The following TPGS1 variants were observed in gnomAD, a reference collection of about 807,000 sequenced individuals.
TPGS1 encodes the protein tubulin polyglutamylase complex subunit 1, also known as gene trap ROSA b-geo 22.
In TPGS1, 18 loss-of-function variants were observed where a neutral mutation model predicts 11.9. The ratio of observed to expected loss-of-function variants is 1.51; its 90% CI spans 1.04 to 2.24. TPGS1 has a LOEUF of 2.24. TPGS1 is among the 30% of genes most tolerant of loss of function. The pLI is 0.00. For synonymous variants in TPGS1, 247 were observed against 218.2 expected (o/e 1.13, Z -1.16); for missense variants, 500 against 443.0 (o/e 1.13, Z -1.16).
At chr19:517,095 C>T (rs774086330) in intron 1 of TPGS1, among the ~76,000 whole-genome samples, 13 of 151,894 alleles carry the variant, frequency 8.6e-5, no homozygotes, top group Non-Finnish European at 1.0e-4. Flanking sequence ...GACGAACTTC[C>T]GGCCCTGGAG....
intron 1 of TPGS1, among the ~76,000 whole-genome samples, chr19:511,784 G>A (rs547061455): frequency 3.5e-4 from 53 of 152,372 alleles, no homozygotes; most frequent in Middle Eastern, 3.4e-3. Flanking sequence ...GAAGCTGCGA[G>A]CACGACAGGA....
At position 519,091 on chromosome 19, in the gene TPGS1, T is replaced by G; in HGVS notation, c.541T>G (p.Phe181Val). Residue 181 changes from phenylalanine to valine, a missense_variant, in exon 2 of 2, where the codon TTC becomes GTC. Physicochemically the swap from Phe to Val is conservative, Grantham distance 50 (BLOSUM62 -1). Transcript: ENST00000359315. ...CCACGAGGCGGTGCCGCTGAGCGTCTTCCGCGCGGGCACACTCACCTGCTT... is the reference window on the plus strand; with the variant it reads ...CCACGAGGCGGTGCCGCTGAGCGTCGTCCGCGCGGGCACACTCACCTGCTT... ...RDHEAVPLSV[F>V]RAGTLTCFVL... The G allele has an allele frequency of 6.5e-7, 1 of 1,532,412 alleles. No homozygotes were observed. Among genetic ancestry groups the G allele is most frequent in the Non-Finnish European group, 8.7e-7 (1 of 1,145,546 alleles). 94.9% of individuals were successfully genotyped at this position (1,532,412 alleles called of 1,614,324 possible).
rs1486473015 is a variant in TPGS1, at chr19:518,753, G to C, written c.339-136G>C. 6.5e-6 allele frequency: 6 copies of C among 919,294 alleles called. 1 individual carries two copies. The South Asian group carries it at 1.3e-4, about 20-fold the overall frequency. 56.9% of individuals were successfully genotyped at this position (919,294 alleles called of 1,614,324 possible). A position where few individuals can be genotyped will look rare whatever the true frequency, so the allele number is the denominator to read the frequency against. ...GTGAGGAGGAGGGGAGGCCGGGGAT[G>C]GGGGGTAGGAGGAGAGGGGAGGCCA... On this transcript the variant is annotated intron_variant, in intron 1 of 1. Coordinates refer to ENST00000359315, the MANE Select transcript of TPGS1 (RefSeq NM_033513.3).
chr19:512,768 C>A (rs1568322375), intron 1 of TPGS1, among the ~76,000 whole-genome samples: 2 of 152,262 alleles, frequency 1.3e-5, no homozygotes, highest in Admixed American at 6.5e-5. Flanking sequence ...CCTGCACAGC[C>A]GGAACGGGAC....
At chr19:518,505 G>T (rs1319813513) in intron 1 of TPGS1, among the ~76,000 whole-genome samples, 1 of 106,868 alleles carries the variant, frequency 9.4e-6, no homozygotes, top group Non-Finnish European at 2.0e-5. Context: ...TGGAGATGCT[G>T]GGGGAGGAGA....
chr19:519,328 G>T lies in TPGS1; in HGVS notation c.778G>T (p.Val260Phe), dbSNP rs1311861921. ...DSLALALDRA[V>F]GGRRPSAPMT... ...CCTGGCGCTGGCGCTGGACCGCGCCGTCGGGGGGCGGCGGCCCAGCGCGCC... is the reference window on the plus strand; with the variant it reads ...CCTGGCGCTGGCGCTGGACCGCGCCTTCGGGGGGCGGCGGCCCAGCGCGCC... The change falls in exon 2 of 2, where the codon GTC becomes TTC. Residue 260 changes from valine to phenylalanine, a missense_variant. By Grantham distance (50) the Val-to-Phe change is conservative. Coordinates refer to ENST00000359315, the MANE Select transcript of TPGS1 (RefSeq NM_033513.3). The T allele has an allele frequency of 1.4e-5, 17 of 1,193,832 alleles. No homozygotes were observed. Among genetic ancestry groups the T allele is most frequent in the Non-Finnish European group, 3.1e-6 (3 of 963,550 alleles). The allele number at this position is 1,193,832 out of a possible 1,614,324, so 74.0% of individuals were successfully genotyped here. A position where few individuals can be genotyped will look rare whatever the true frequency, so the allele number is the denominator to read the frequency against.
intron 1 of TPGS1, among the ~76,000 whole-genome samples, chr19:511,600 G>T (rs1262882295): frequency 6.6e-6 from 1 of 152,272 alleles, no homozygotes; most frequent in Non-Finnish European, 1.5e-5. Context: ...CAGCTGGGAG[G>T]GGCAGACGAA....
intron 1 of TPGS1, among the ~76,000 whole-genome samples, chr19:518,559 A>G (rs1373175718): frequency 1.3e-4 from 1 of 7,900 alleles, no homozygotes; most frequent in Non-Finnish European, 2.2e-4. Context: ...CTGGGCTGGG[A>G]GGGGACTGGG....
At chr19:510,273 T>A (rs1255964559) in intron 1 of TPGS1, 1 of 151,684 alleles carries the variant, frequency 6.6e-6, no homozygotes, top group East Asian at 1.9e-4. Context: ...CTCGGGAGGC[T>A]GAGGCAGGAG....
intron 1 of TPGS1, among the ~76,000 whole-genome samples, chr19:515,428 A>G (rs1978922304): frequency 6.6e-6 from 1 of 151,686 alleles, no homozygotes; most frequent in Non-Finnish European, 1.5e-5. Context: ...AAAAAATGCA[A>G]TGTCAGCTGT....
Position 519,488 on chromosome 19 carries a change from C to T in TPGS1, c.*65C>T, listed in dbSNP as rs927669569. 1 of 1,160,456 alleles carries T rather than the reference C, an allele frequency of 8.6e-7. No individual in the cohort carries two copies. The highest frequency in any genetic ancestry group is 1.6e-5 in the African/African-American group (1 of 61,600). The allele number at this position is 1,160,456 out of a possible 1,614,324, so 71.9% of individuals were successfully genotyped here. A position where few individuals can be genotyped will look rare whatever the true frequency, so the allele number is the denominator to read the frequency against. ...GTCCCCGCGTGCGGGGCGCGCGGAG[C>T]CTTCCCTTCGCCCTGGTGAGGCCCT... is the stretch of plus-strand genomic sequence containing the variant. On this transcript the variant is annotated 3_prime_UTR_variant, in exon 2 of 2. Transcript: ENST00000359315.
In TPGS1 at chr19:519,098, C is replaced by T. The variant is rs977642178; in HGVS notation, c.548C>T (p.Ala183Val). The T allele has an allele frequency of 2.9e-5, 45 of 1,532,124 alleles. No homozygotes were observed. Among genetic ancestry groups the T allele is most frequent in the Non-Finnish European group, 3.2e-5 (37 of 1,145,526 alleles). The allele number at this position is 1,532,124 out of a possible 1,614,324, so 94.9% of individuals were successfully genotyped here. A position where few individuals can be genotyped will look rare whatever the true frequency, so the allele number is the denominator to read the frequency against. The change falls in exon 2 of 2, where the codon GCG (alanine) becomes GTG (valine). Residue 183 changes from alanine (A) to valine (V), a missense_variant. Coordinates refer to ENST00000359315, the MANE Select transcript of TPGS1 (RefSeq NM_033513.3). ...HEAVPLSVFR[A>V]GTLTCFVLLE... is the part of the protein sequence containing the mutation. ...GCGGTGCCGCTGAGCGTCTTCCGCG[C>T]GGGCACACTCACCTGCTTCGTGCTG...
intron 1 of TPGS1, among the ~76,000 whole-genome samples, chr19:512,781 C>G (rs902309641): frequency 1.3e-5 from 2 of 152,256 alleles, no homozygotes; most frequent in African/African-American, 4.8e-5. Context: ...AACGGGACTG[C>G]AGAAGCAACG....
In TPGS1 at chr19:519,600, C is replaced by T. The variant is rs1979089497; in HGVS notation, c.*177C>T. Reference sequence around the variant, plus strand: ...TCCCCACACAGCGCCGCGGCCGCCCCTCCACCCCCGCGGGAGCCCCTGCCC... The same window carrying T: ...TCCCCACACAGCGCCGCGGCCGCCCTTCCACCCCCGCGGGAGCCCCTGCCC... On this transcript the variant is annotated 3_prime_UTR_variant, in exon 2 of 2. Coordinates refer to ENST00000359315, the MANE Select transcript of TPGS1 (RefSeq NM_033513.3). 5 of 438,010 alleles carry T rather than the reference C, an allele frequency of 1.1e-5. No individual in the cohort carries two copies. The highest frequency in any genetic ancestry group is 1.8e-5 in the Non-Finnish European group (5 of 285,328). The allele number at this position is 438,010 out of a possible 1,614,324, so 27.1% of individuals were successfully genotyped here.
chr19:512,015 G>T (rs545269029), intron 1 of TPGS1, among the ~76,000 whole-genome samples: 23 of 152,090 alleles, frequency 1.5e-4, no homozygotes, highest in Admixed American at 1.4e-3. Flanking sequence ...GGGACTACAG[G>T]CGCCCCCACC....
intron 1 of TPGS1, chr19:509,445 G>A (rs1303489734): frequency 1.3e-5 from 2 of 152,698 alleles, no homozygotes; most frequent in Admixed American, 6.5e-5. Context: ...CCAACTTAGT[G>A]GCTTAAAACA....
chr19:519,354 C>T lies in TPGS1; in HGVS notation c.804C>T (p.Pro268=). Residue 268 remains proline (P), a synonymous_variant, in exon 2 of 2, where the codon CCC becomes CCT. Transcript: ENST00000359315. ...TCGGGGGGCGGCGGCCCAGCGCGCCCATGACCCGCGAGGAGTTTCTGGAGA... is the reference window on the plus strand; with the variant it reads ...TCGGGGGGCGGCGGCCCAGCGCGCCTATGACCCGCGAGGAGTTTCTGGAGA... ...RAVGGRRPSA[P]MTREEFLERA... The T allele has an allele frequency of 8.3e-7, 1 of 1,210,042 alleles. No individual in the cohort carries two copies. Among genetic ancestry groups the T allele is most frequent in the South Asian group, 3.8e-5 (1 of 26,510 alleles). The allele number at this position is 1,210,042 out of a possible 1,614,324, so 75.0% of individuals were successfully genotyped here.
At chr19:507,914 T>G in intron 1 of TPGS1, 70 bp downstream of exon 1, 1 of 1,195,324 alleles carries the variant, frequency 8.4e-7, no homozygotes, top group Admixed American at 4.2e-5. Flanking sequence ...CGCGCGCGGC[T>G]CCCTACCCGC....
intron 1 of TPGS1, among the ~76,000 whole-genome samples, chr19:512,725 C>G (rs528298000): frequency 6.6e-6 from 1 of 152,272 alleles, no homozygotes; most frequent in Non-Finnish European, 1.5e-5. Context: ...AGCCTCGGCT[C>G]CCGGGGTTCA....
Sources: gnomAD v4.1 joint callset for allele counts (sites outside exome capture counted in the v4.1 genomes callset) on GRCh38, gnomAD v4.1.1 for gene constraint, MANE v1.5 for transcripts, NCBI Gene and HGNC (gene_info 2026-07-23, HGNC 2026-07-21) for gene names.